NEDD4: variants seen among roughly 807,000 people sequenced by gnomAD.
NEDD4 encodes E3 ubiquitin-protein ligase NEDD4.
In NEDD4, 99 loss-of-function variants were observed where a neutral mutation model predicts 144.9. The observed-to-expected ratio is 0.68, with a 90% CI of 0.58 to 0.81. NEDD4 has a LOEUF of 0.81. Ranked by LOEUF, NEDD4 falls within the 30% of genes least tolerant of loss-of-function variation. NEDD4 has a pLI of 0.00. For missense variants in NEDD4, 985 were observed against 1,065.9 expected (o/e 0.92, Z 1.06); for synonymous variants, 318 against 350.6 (o/e 0.91, Z 1.04).
rs763755519 is a variant in NEDD4 at position 55,993,572 on chromosome 15, C to T, written c.-17G>A. On this transcript the variant is annotated 5_prime_UTR_variant, in exon 1 of 29. Coordinates refer to ENST00000435532, the MANE Select transcript of NEDD4 (RefSeq NM_006154.4). ...AGTTGCCATTTCCGAACGCTTCCAG[C>T]AAACCGGACGCGCTCGCCCCCGCCC... The T allele has an allele frequency of 2.9e-5, 46 of 1,590,946 alleles. No homozygotes were observed. Among genetic ancestry groups the T allele is most frequent in the Non-Finnish European group, 3.7e-5 (43 of 1,171,412 alleles).
chr15:55,897,401 A>C (rs1056586999), intron 5 of NEDD4, among the ~76,000 whole-genome samples: 3 of 152,162 alleles, frequency 2.0e-5, no homozygotes, highest in Non-Finnish European at 4.4e-5. Flanking sequence ...CCAAGAAGGA[A>C]ATAGGAATAG....
intron 14 of NEDD4, 80 bp downstream of exon 14, chr15:55,850,462 A>T (rs577220154): frequency 7.7e-7 from 1 of 1,298,576 alleles, no homozygotes; most frequent in East Asian, 2.3e-5. Flanking sequence ...ATACTAATAC[A>T]TACTTAAAGA....
chr15:55,943,176 T>C (rs1595864517), intron 4 of NEDD4, among the ~76,000 whole-genome samples: 1 of 152,196 alleles, frequency 6.6e-6, no homozygotes, highest in African/African-American at 2.4e-5. Context: ...CTGGAACTTA[T>C]ATTTAAAAGG....
chr15:55,900,454 GA>G (rs2035877958), intron 5 of NEDD4, among the ~76,000 whole-genome samples: 1 of 152,156 alleles, frequency 6.6e-6, no homozygotes, highest in African/African-American at 2.4e-5. Flanking sequence ...GGAGTAAACA[GA>G]TTTGACTAGC....
At chr15:55,883,776 G>C (rs1232431451) in intron 5 of NEDD4, among the ~76,000 whole-genome samples, 2 of 152,008 alleles carry the variant, frequency 1.3e-5, no homozygotes, top group East Asian at 1.9e-4. Flanking sequence ...GAGAGAGAGA[G>C]ACACTCTATT....
At chr15:55,897,238 G>A (rs1269634530) in intron 5 of NEDD4, among the ~76,000 whole-genome samples, 2 of 152,162 alleles carry the variant, frequency 1.3e-5, no homozygotes, top group African/African-American at 4.8e-5. Flanking sequence ...CTCCCAAAGT[G>A]CTGGGATTAC....
chr15:55,913,837 C>T (rs530354950), intron 5 of NEDD4, among the ~76,000 whole-genome samples: 1 of 151,926 alleles, frequency 6.6e-6, no homozygotes, highest in Non-Finnish European at 1.5e-5. Flanking sequence ...AATATTTCTA[C>T]ATGAATTATT....
intron 5 of NEDD4, among the ~76,000 whole-genome samples, chr15:55,900,719 CA>C (rs2142153916): frequency 6.6e-6 from 1 of 152,214 alleles, no homozygotes; most frequent in African/African-American, 2.4e-5. Context: ...ATGTATGTCT[CA>C]AAGAGTAACT....
At chr15:55,937,044 C>T (rs913863682) in intron 4 of NEDD4, among the ~76,000 whole-genome samples, 2 of 152,154 alleles carry the variant, frequency 1.3e-5, no homozygotes, top group Admixed American at 6.5e-5. Flanking sequence ...CCACCCTCCT[C>T]GGCCTCCCAA....
At chr15:55,959,008 T>C (rs1384420590) in intron 2 of NEDD4, among the ~76,000 whole-genome samples, 2 of 117,722 alleles carry the variant, frequency 1.7e-5, no homozygotes, top group African/African-American at 6.1e-5. Flanking sequence ...TTGTCCACTT[T>C]CTCTTTCACT....
intron 1 of NEDD4, among the ~76,000 whole-genome samples, chr15:55,985,935 G>A (rs1566979167): frequency 6.6e-6 from 1 of 152,166 alleles, no homozygotes; most frequent in Non-Finnish European, 1.5e-5. Flanking sequence ...GCTGAGCCAA[G>A]CAAAATACAA....
At chr15:55,938,267 GA>G (rs2142267117) in intron 4 of NEDD4, among the ~76,000 whole-genome samples, 1 of 152,324 alleles carries the variant, frequency 6.6e-6, no homozygotes, top group Admixed American at 6.5e-5. Context: ...GCTGAGGCAG[GA>G]GAATCATTTG....
intron 5 of NEDD4, chr15:55,905,399 G>A: frequency 2.5e-6 from 1 of 401,192 alleles, no homozygotes; most frequent in Admixed American, 3.4e-5. Context: ...CAGTTGAAAA[G>A]CCCAACATAA....
At chr15:55,856,038 G>C in intron 12 of NEDD4, 93 bp downstream of exon 12, 1 of 1,109,702 alleles carries the variant, frequency 9.0e-7, no homozygotes, top group South Asian at 1.3e-5. Flanking sequence ...TTGGCTCCCT[G>C]TAAGGCAAAC....
intron 1 of NEDD4, among the ~76,000 whole-genome samples, chr15:55,986,497 C>CTGAA (rs560877919): frequency 3.1e-4 from 47 of 151,684 alleles, no homozygotes; most frequent in Admixed American, 2.8e-3. Context: ...AGAGCGTGAC[C>CTGAA]TGAACATGGT....
intron 19 of NEDD4, among the ~76,000 whole-genome samples, chr15:55,841,004 G>A (rs892992550): frequency 2.8e-5 from 4 of 141,524 alleles, no homozygotes; most frequent in Admixed American, 1.5e-4. Context: ...CACGGTCACA[G>A]CTCACTGCAA....
chr15:55,974,946 G>A (rs1288967455), intron 1 of NEDD4, among the ~76,000 whole-genome samples: 1 of 132,254 alleles, frequency 7.6e-6, no homozygotes, highest in Non-Finnish European at 1.6e-5. Context: ...AGGCTGGAGT[G>A]CAGTGGCACG....
chr15:55,956,545 T>G (rs28770330), intron 2 of NEDD4, among the ~76,000 whole-genome samples: 45,819 of 152,018 alleles, frequency 0.3, 7,043 homozygotes, highest in South Asian at 0.38. Context: ...CCCTTTCCCT[T>G]GAATTACCTC....
chr15:55,889,423 A>G (rs2035493643), intron 5 of NEDD4, among the ~76,000 whole-genome samples: 1 of 152,188 alleles, frequency 6.6e-6, no homozygotes, highest in Admixed American at 6.5e-5. Flanking sequence ...ATTTGCAACA[A>G]CTGGATAAAA....
Sources: allele counts gnomAD v4.1 joint callset (sites outside exome capture counted in the v4.1 genomes callset), GRCh38; gene constraint gnomAD v4.1.1; transcripts MANE v1.5; gene names NCBI Gene and HGNC (gene_info 2026-07-23, HGNC 2026-07-21).